Variants in ARMC9 observed in about 807,000 individuals in gnomAD.
ARMC9 encodes the protein armadillo repeat containing 9, also known as lisH domain-containing protein ARMC9.
In ARMC9, 94 loss-of-function variants were observed where a neutral mutation model predicts 107.0. The observed-to-expected ratio is 0.88, with a 90% CI of 0.74 to 1.04. The LOEUF (loss-of-function observed/expected upper bound fraction) is 1.04, where lower values mean the gene tolerates loss of function less well. ARMC9 is among the 50% of genes least tolerant of loss of function. ARMC9 has a pLI of 0.00. For synonymous variants in ARMC9, 380 were observed against 396.9 expected (o/e 0.96, Z 0.51); for missense variants, 942 against 1,030.1 (o/e 0.91, Z 1.17).
chr2:231,375,774 A>G lies in ARMC9; in HGVS notation c.*4239A>G, dbSNP rs918318387. On this transcript the variant is annotated 3_prime_UTR_variant, in exon 25 of 25. Coordinates refer to ENST00000611582, the MANE Select transcript of ARMC9 (RefSeq NM_001352754.2). This position sits in a 1 kb window ranked among gnomAD's most constrained non-coding sequence, Gnocchi z 4.3. ...CCAGAGTCGTCATCTTAAGGTGTCT[A>G]CTAAAGCCTGGGGGTGGATGGGATC... Among the ~76,000 whole-genome samples, 1 of 152,180 alleles carries G rather than the reference A, an allele frequency of 6.6e-6. No individual in the cohort carries two copies. The highest frequency in any genetic ancestry group is 2.4e-5 in the African/African-American group (1 of 41,434).
chr2:231,269,522 A>G (rs1488692910), intron 12 of ARMC9, among the ~76,000 whole-genome samples: 2 of 147,068 alleles, frequency 1.4e-5, no homozygotes, highest in African/African-American at 2.6e-5. Flanking sequence ...AGTAGCTGGG[A>G]TTACAGGTGT....
At chr2:231,286,060 G>T (rs984587758) in intron 17 of ARMC9, among the ~76,000 whole-genome samples, 1 of 152,300 alleles carries the variant, frequency 6.6e-6, no homozygotes, top group African/African-American at 2.4e-5. Context: ...GATCGTGCAC[G>T]GTGCTAGGGA....
chr2:231,211,615 AC>A (rs546139320), intron 3 of ARMC9, among the ~76,000 whole-genome samples: 139 of 151,958 alleles, frequency 9.1e-4, no homozygotes, highest in African/African-American at 3.3e-3. Context: ...TTGGATGTAT[AC>A]CCAGAAGTAT....
intron 17 of ARMC9, among the ~76,000 whole-genome samples, chr2:231,287,013 C>G (rs2040641647): frequency 1.3e-5 from 2 of 152,216 alleles, no homozygotes; most frequent in East Asian, 3.9e-4. Flanking sequence ...CAGCCATGGG[C>G]CTCTGCCCTG....
At chr2:231,248,704 G>A (rs1042240454) in intron 9 of ARMC9, among the ~76,000 whole-genome samples, 8 of 151,630 alleles carry the variant, frequency 5.3e-5, no homozygotes, top group Admixed American at 3.9e-4. Flanking sequence ...CTACTCAGGA[G>A]GCTGAGGCAG....
chr2:231,357,219 A>G (rs73098104), intron 22 of ARMC9, among the ~76,000 whole-genome samples: 1 of 152,136 alleles, frequency 6.6e-6, no homozygotes, highest in Non-Finnish European at 1.5e-5. Context: ...GTGGGCACCC[A>G]CCAGGACACT....
chr2:231,224,532 T>C (rs934444508), intron 6 of ARMC9, among the ~76,000 whole-genome samples: 2 of 152,230 alleles, frequency 1.3e-5, no homozygotes, highest in African/African-American at 4.8e-5. Flanking sequence ...ATATAACTTG[T>C]ATGAAACAGT....
chr2:231,229,169 T>C (rs1400363654), intron 7 of ARMC9, among the ~76,000 whole-genome samples: 3 of 152,024 alleles, frequency 2.0e-5, no homozygotes, highest in Non-Finnish European at 4.4e-5. Flanking sequence ...TGTAATGTGG[T>C]GTTGCTATGG....
At chr2:231,326,342 G>C (rs572755477) in intron 19 of ARMC9, among the ~76,000 whole-genome samples, 57 of 152,308 alleles carry the variant, frequency 3.7e-4, no homozygotes, top group Admixed American at 6.5e-4. Context: ...ATGTAAGGTG[G>C]GTTCCTTAAT....
chr2:231,234,091 C>G (rs1267449666), intron 7 of ARMC9, among the ~76,000 whole-genome samples: 1 of 152,148 alleles, frequency 6.6e-6, no homozygotes, highest in Non-Finnish European at 1.5e-5. Flanking sequence ...CTCTCCATAT[C>G]CTTGAAACCT....
chr2:231,207,411 C>T (rs1008250621), intron 2 of ARMC9, among the ~76,000 whole-genome samples: 1 of 152,212 alleles, frequency 6.6e-6, no homozygotes, highest in Non-Finnish European at 1.5e-5. Flanking sequence ...CCTCCTACCT[C>T]AGCCTCCCAA....
In ARMC9 at chr2:231,374,675, C is replaced by T. The variant is rs538368036; in HGVS notation, c.*3140C>T. ...ATCAAACTTTTTAATAAAAACAAGT[C>T]TGGCCCTGTACTTGGATGACCCCAC... On this transcript the variant is annotated 3_prime_UTR_variant, in exon 25 of 25. Transcript: ENST00000611582. 2.0e-5 allele frequency: 3 copies of T among 152,142 alleles called. No homozygotes were observed. Among genetic ancestry groups the T allele is most frequent in the Non-Finnish European group, 4.4e-5 (3 of 68,024 alleles). The allele number at this position is 152,142 out of a possible 1,614,324, so 9.4% of individuals were successfully genotyped here.
chr2:231,360,030 T>C lies in ARMC9; in HGVS notation c.2132-724T>C, dbSNP rs7571951. ...TCACAGTGTCGCTGCAGCAGTGACA[T>C]GGACCCCTTCAGCTGTAGGAGAAGA... On this transcript the variant is annotated intron_variant, in intron 22 of 24. Transcript: ENST00000611582. The surrounding 1 kb of genome is among the most constrained non-coding windows in gnomAD (Gnocchi z 4.7). Among the ~76,000 whole-genome samples, 16,001 of 152,144 alleles carry C rather than the reference T, an allele frequency of 0.11. 2,841 individuals carry two copies. Among genetic ancestry groups the C allele is most frequent in the African/African-American group, 0.36 (15,003 of 41,460 alleles).
intron 7 of ARMC9, 97 bp from the exon 8 acceptor site, chr2:231,235,127 A>G (rs1202365010): frequency 7.6e-7 from 1 of 1,322,394 alleles, no homozygotes; most frequent in Non-Finnish European, 1.0e-6. Context: ...ACAAGAAAAC[A>G]TTCTGGCAAT....
intron 9 of ARMC9, among the ~76,000 whole-genome samples, chr2:231,246,565 A>G (rs2036783397): frequency 6.6e-6 from 1 of 152,194 alleles, no homozygotes. Flanking sequence ...GTAGTATTCC[A>G]TTGTATATGT....
chr2:231,209,542 A>C (rs1283387898), intron 3 of ARMC9, among the ~76,000 whole-genome samples: 2 of 151,906 alleles, frequency 1.3e-5, no homozygotes, highest in African/African-American at 4.8e-5. Flanking sequence ...TTTATTATTT[A>C]TTTATGTATT....
intron 10 of ARMC9, 85 bp from the exon 11 acceptor site, chr2:231,258,906 A>T: frequency 2.4e-6 from 3 of 1,244,840 alleles, no homozygotes; most frequent in Non-Finnish European, 3.5e-6. Context: ...AGCAGGCTCT[A>T]GCTTGGGTGT....
At chr2:231,200,498 C>T (rs1184100745) in intron 1 of ARMC9, among the ~76,000 whole-genome samples, 1 of 152,156 alleles carries the variant, frequency 6.6e-6, no homozygotes, top group Non-Finnish European at 1.5e-5. Context: ...CCTGGTGAAA[C>T]CCTGTCTCTA....
intron 23 of ARMC9, among the ~76,000 whole-genome samples, chr2:231,368,719 G>A (rs1451864331): frequency 6.6e-6 from 1 of 152,184 alleles, no homozygotes; most frequent in African/African-American, 2.4e-5. Context: ...TGACCTCCCA[G>A]GCACAAGTGA....
Sources: allele counts gnomAD v4.1 joint callset (sites outside exome capture counted in the v4.1 genomes callset), GRCh38; gene constraint gnomAD v4.1.1; non-coding constraint Gnocchi (gnomAD v3.1); transcripts MANE v1.5; gene names NCBI Gene and HGNC (gene_info 2026-07-23, HGNC 2026-07-21).